The following GPATCH2 variants were observed in gnomAD, a reference collection of about 807,000 sequenced individuals.
GPATCH2 encodes the protein G-patch domain containing 2.
GPATCH2 carries 51 observed loss-of-function variants against 58.0 expected under a neutral mutation model. The observed-to-expected ratio is 0.88, with a 90% confidence interval of 0.70 to 1.11. The LOEUF is 1.11. GPATCH2 is among the 50% of genes most tolerant of loss of function. GPATCH2 has a pLI of 0.00. For synonymous variants in GPATCH2, 222 were observed against 218.5 expected (o/e 1.02, Z -0.14); for missense variants, 625 against 652.2 (o/e 0.96, Z 0.45).
chr1:217,477,583 G>C (rs185169048), intron 8 of GPATCH2, among the ~76,000 whole-genome samples: 1 of 152,232 alleles, frequency 6.6e-6, no homozygotes, highest in African/African-American at 2.4e-5. Flanking sequence ...GCAATAGTCT[G>C]GCAGTACTCC....
At chr1:217,531,071 A>ACACT (rs1553337248) in intron 5 of GPATCH2, among the ~76,000 whole-genome samples, 2 of 95,856 alleles carry the variant, frequency 2.1e-5, no homozygotes, top group South Asian at 3.5e-4. Flanking sequence ...ACACACACAC[A>ACACT]CTTTATTTAA....
chr1:217,585,880 T>G (rs1478348003), intron 5 of GPATCH2, among the ~76,000 whole-genome samples: 1 of 152,180 alleles, frequency 6.6e-6, no homozygotes, highest in Non-Finnish European at 1.5e-5. Flanking sequence ...TATAGCCTAT[T>G]GCTTCCAGGC....
intron 5 of GPATCH2, among the ~76,000 whole-genome samples, chr1:217,587,961 C>T (rs1667417162): frequency 6.6e-6 from 1 of 152,046 alleles, no homozygotes; most frequent in Non-Finnish European, 1.5e-5. Context: ...ATAAAGAATG[C>T]ATTGAACTTA....
chr1:217,491,556 A>C, intron 8 of GPATCH2, 124 bp downstream of exon 8: 1 of 458,010 alleles, frequency 2.2e-6, no homozygotes, highest in Non-Finnish European at 4.0e-6. Flanking sequence ...TCCAATAAAC[A>C]ATACATAAAA....
At chr1:217,590,161 C>G (rs1300696281) in intron 5 of GPATCH2, among the ~76,000 whole-genome samples, 1 of 151,804 alleles carries the variant, frequency 6.6e-6, no homozygotes, top group Non-Finnish European at 1.5e-5. Flanking sequence ...GCTGGGATTA[C>G]AGGCACGCAC....
chr1:217,579,753 C>T (rs1173398756), intron 5 of GPATCH2, among the ~76,000 whole-genome samples: 1 of 152,024 alleles, frequency 6.6e-6, no homozygotes, highest in Non-Finnish European at 1.5e-5. Context: ...TCCATCAAAG[C>T]CTGCAACCAG....
intron 5 of GPATCH2, among the ~76,000 whole-genome samples, chr1:217,600,337 T>C (rs1185861797): frequency 6.6e-6 from 1 of 152,114 alleles, no homozygotes; most frequent in Non-Finnish European, 1.5e-5. Context: ...AACAAATAAC[T>C]GGTTGGCATC....
At chr1:217,453,857 A>G (rs1486515996) in intron 8 of GPATCH2, among the ~76,000 whole-genome samples, 1 of 152,148 alleles carries the variant, frequency 6.6e-6, no homozygotes, top group African/African-American at 2.4e-5. Flanking sequence ...CTGTTCAGAG[A>G]ATTAGGCCTA....
chr1:217,453,183 G>C (rs1457023199), intron 8 of GPATCH2, among the ~76,000 whole-genome samples: 2 of 152,204 alleles, frequency 1.3e-5, no homozygotes, highest in Non-Finnish European at 2.9e-5. Context: ...TACTCAAGGT[G>C]ATGGTCGGCA....
chr1:217,610,913 G>A lies in GPATCH2; in HGVS notation c.994C>T (p.Leu332Phe), dbSNP rs1226257277. The A allele has an allele frequency of 1.2e-6, 2 of 1,612,784 alleles. No homozygotes were observed. Among genetic ancestry groups the A allele is most frequent in the African/African-American group, 2.7e-5 (2 of 74,886 alleles). ...CCTCTTCTGCTTGGGTGTGACATAA[G>A]GGGAAAAGAACCAGTTAAGATACTT... is the stretch of plus-strand genomic sequence containing the variant. ...FESILTGSFPLMSHPSRRGFQ... is the reference protein window; with the variant it reads ...FESILTGSFPFMSHPSRRGFQ... The change falls in exon 4 of 10, where the codon CTT becomes TTT. Residue 332 changes from leucine to phenylalanine, a missense_variant. Transcript: ENST00000366935.
chr1:217,548,597 G>C (rs924177120), intron 5 of GPATCH2, among the ~76,000 whole-genome samples: 1 of 151,938 alleles, frequency 6.6e-6, no homozygotes, highest in Non-Finnish European at 1.5e-5. Context: ...TCCAAAACTG[G>C]GTGATATGGT....
chr1:217,439,882 C>T (rs1267567386), intron 9 of GPATCH2, among the ~76,000 whole-genome samples: 1 of 152,134 alleles, frequency 6.6e-6, no homozygotes, highest in Non-Finnish European at 1.5e-5. Context: ...AATAGCCTAC[C>T]AACCAAAATA....
At chr1:217,465,057 AAAG>A (rs1297125189) in intron 8 of GPATCH2, among the ~76,000 whole-genome samples, 1 of 152,106 alleles carries the variant, frequency 6.6e-6, no homozygotes, top group Non-Finnish European at 1.5e-5. Flanking sequence ...GGAAGATTTA[AAAG>A]AAGAGATGAT....
At chr1:217,573,028 A>C (rs886943626) in intron 5 of GPATCH2, among the ~76,000 whole-genome samples, 11 of 152,234 alleles carry the variant, frequency 7.2e-5, no homozygotes, top group African/African-American at 2.7e-4. Flanking sequence ...AGAAGAAAGG[A>C]AGTCCGACAC....
At chr1:217,583,604 A>G (rs932752681) in intron 5 of GPATCH2, among the ~76,000 whole-genome samples, 8 of 151,452 alleles carry the variant, frequency 5.3e-5, no homozygotes, top group Admixed American at 3.3e-4. Flanking sequence ...TAGAAGACTA[A>G]TAATAAACAA....
At chr1:217,607,368 T>A (rs1668409613) in intron 5 of GPATCH2, among the ~76,000 whole-genome samples, 1 of 152,178 alleles carries the variant, frequency 6.6e-6, no homozygotes, top group African/African-American at 2.4e-5. Context: ...CCAGATTTTT[T>A]TTTGAATTGT....
chr1:217,433,380 ATATATTTATTTATT>A lies in GPATCH2; in HGVS notation c.1367-2029_1367-2016del, dbSNP rs1263682710. On this transcript the variant is annotated intron_variant, in intron 9 of 9. Transcript: ENST00000366935. ...GCTGTTCATATATATATATATATATATATATTTATTTATTTATTTATTTATTTATTTATTTTGGC... is the reference window on the plus strand; with the variant it reads ...GCTGTTCATATATATATATATATATATATTTATTTATTTATTTATTTTGGC... Among the ~76,000 whole-genome samples, 258 of 51,072 alleles carry A rather than the reference ATATATTTATTTATT, an allele frequency of 5.1e-3. 2 individuals are homozygous for A. The highest frequency in any genetic ancestry group is 0.02 in the African/African-American group (196 of 9,822). The allele number at this position is 51,072 out of a possible 152,430, so 33.5% of individuals were successfully genotyped here. A position where few individuals can be genotyped will look rare whatever the true frequency, so the allele number is the denominator to read the frequency against.
intron 5 of GPATCH2, among the ~76,000 whole-genome samples, chr1:217,556,114 C>G (rs999914658): frequency 1.3e-5 from 2 of 151,990 alleles, no homozygotes; most frequent in African/African-American, 4.8e-5. Flanking sequence ...GAATCTAAAC[C>G]ATTAATGGGA....
rs959438169 is a variant in GPATCH2 at position 217,429,141 on chromosome 1, C to T, written c.*2004G>A. 6.6e-6 allele frequency: 1 copy of T among 152,062 alleles called. No individual in the cohort carries two copies. The highest frequency in any genetic ancestry group is 2.4e-5 in the African/African-American group (1 of 41,400). 9.4% of individuals were successfully genotyped at this position (152,062 alleles called of 1,614,324 possible). ...CAAATTTTGAATAGACCCCAGAGCA[C>T]AATACACTATCACAAAGAAGTTTTA... On this transcript the variant is annotated 3_prime_UTR_variant, in exon 10 of 10. Coordinates refer to ENST00000366935, the MANE Select transcript of GPATCH2 (RefSeq NM_018040.5).
Sources: allele counts gnomAD v4.1 joint callset (sites outside exome capture counted in the v4.1 genomes callset), GRCh38; gene constraint gnomAD v4.1.1; transcripts MANE v1.5; gene names NCBI Gene and HGNC (gene_info 2026-07-23, HGNC 2026-07-21).